DIS3L2: variants seen among roughly 807,000 people sequenced by gnomAD.
DIS3L2 encodes DIS3 like 3'-5' exoribonuclease 2.
Under a neutral mutation model 97.5 loss-of-function variants are expected in DIS3L2, and 34 were observed. That is an observed-to-expected ratio of 0.35 (90% CI 0.27 to 0.46). The LOEUF (loss-of-function observed/expected upper bound fraction) is 0.46, where lower values mean the gene tolerates loss of function less well. DIS3L2 is among the 20% of genes least tolerant of loss of function. The probability of loss-of-function intolerance (pLI) is 1.00; values close to 1 mark genes in which losing one functional copy is unlikely to be tolerated. For synonymous variants in DIS3L2, 435 were observed against 445.2 expected, an observed-to-expected ratio of 0.98 and a Z score of 0.29; for missense variants, 1,038 against 1,146.0, an observed-to-expected ratio of 0.91 and a Z score of 1.36.
intron 1 of DIS3L2, among the ~76,000 whole-genome samples, chr2:232,001,834 C>T (rs1693919815): frequency 6.6e-6 from 1 of 150,782 alleles, no homozygotes; most frequent in South Asian, 2.1e-4. Context: ...ATTCTCCTGC[C>T]TCAGCCTCCT....
chr2:232,004,642 G>A (rs909412667), intron 1 of DIS3L2, among the ~76,000 whole-genome samples: 1 of 150,730 alleles, frequency 6.6e-6, no homozygotes, highest in South Asian at 2.1e-4. Flanking sequence ...GTGCAGTGGC[G>A]TGTTCTTGGC....
chr2:232,274,394 C>G (rs1460633128), intron 13 of DIS3L2, among the ~76,000 whole-genome samples: 1 of 152,202 alleles, frequency 6.6e-6, no homozygotes, highest in Non-Finnish European at 1.5e-5. Flanking sequence ...ATATGTGAGC[C>G]AAACAGCTAC....
chr2:232,091,196 C>T (rs969684891), intron 6 of DIS3L2, among the ~76,000 whole-genome samples: 5 of 152,158 alleles, frequency 3.3e-5, no homozygotes, highest in African/African-American at 4.8e-5. Flanking sequence ...GTATCAAATG[C>T]GTAAATGGCT....
intron 1 of DIS3L2, among the ~76,000 whole-genome samples, chr2:232,013,908 A>G (rs1694280831): frequency 6.6e-6 from 1 of 152,132 alleles, no homozygotes; most frequent in Admixed American, 6.5e-5. Flanking sequence ...GTTAGTATTA[A>G]TTTCAATTTA....
intron 1 of DIS3L2, among the ~76,000 whole-genome samples, chr2:232,000,713 TTTC>T (rs1464894661): frequency 2.8e-5 from 4 of 144,478 alleles, no homozygotes; most frequent in African/African-American, 5.2e-5. Flanking sequence ...TCCTTCTTTC[TTTC>T]TTCTTCTTCT....
intron 1 of DIS3L2, among the ~76,000 whole-genome samples, chr2:232,001,557 C>CTTTTTTTT (rs57766848): frequency 0.011 from 668 of 61,888 alleles, 6 homozygotes; most frequent in African/African-American, 0.013. Flanking sequence ...TGCCATTTGT[C>CTTTTTTTT]TTTTTTTTTT....
chr2:232,057,871 G>A (rs1221498822), intron 5 of DIS3L2, among the ~76,000 whole-genome samples: 1 of 152,074 alleles, frequency 6.6e-6, no homozygotes, highest in Non-Finnish European at 1.5e-5. Flanking sequence ...TGTGGGCATT[G>A]TTTATTTTGT....
chr2:232,044,903 T>TA (rs1695196808), intron 5 of DIS3L2, among the ~76,000 whole-genome samples: 1 of 152,174 alleles, frequency 6.6e-6, no homozygotes, highest in Non-Finnish European at 1.5e-5. Flanking sequence ...ATGCTGGGAT[T>TA]ACAGGTGTGA....
chr2:232,241,298 C>T (rs930291034), intron 11 of DIS3L2, among the ~76,000 whole-genome samples: 2 of 152,242 alleles, frequency 1.3e-5, no homozygotes, highest in African/African-American at 4.8e-5. Context: ...TCACTTGGCA[C>T]AATCATTTCT....
At chr2:232,086,926 C>T (rs1001604280) in intron 5 of DIS3L2, among the ~76,000 whole-genome samples, 17 of 151,826 alleles carry the variant, frequency 1.1e-4, no homozygotes, top group Admixed American at 2.0e-4. Flanking sequence ...ATGATCCGCC[C>T]GCCTCAGCCT....
chr2:232,342,228 TATATAC>T (rs1575033685), intron 13 of DIS3L2, among the ~76,000 whole-genome samples: 1 of 147,364 alleles, frequency 6.8e-6, no homozygotes, highest in African/African-American at 2.5e-5. Flanking sequence ...TACACATACA[TATATAC>T]ACATACACAT....
intron 6 of DIS3L2, among the ~76,000 whole-genome samples, chr2:232,101,637 A>C (rs1374653250): frequency 6.6e-6 from 1 of 152,252 alleles, no homozygotes; most frequent in Non-Finnish European, 1.5e-5. Context: ...AAAGTTATGC[A>C]GTTGGTAAGT....
chr2:232,290,549 C>T (rs1211812517), intron 13 of DIS3L2, among the ~76,000 whole-genome samples: 1 of 152,198 alleles, frequency 6.6e-6, no homozygotes, highest in African/African-American at 2.4e-5. Context: ...GCCCTTTTCT[C>T]CTGGGACTGG....
At position 232,333,859 on chromosome 2, in the gene DIS3L2, C is replaced by T. The variant is rs753558985; in HGVS notation, c.2030C>T (p.Ser677Leu). The change falls in exon 17 of 21, where the codon TCG becomes TTG. Residue 677 changes from serine (S) to leucine (L), a missense_variant. Physicochemically the swap from Ser to Leu is moderately radical, Grantham distance 145. Transcript: ENST00000325385. ...RPMQMALYFCSGLLQDPAQFR... is the reference protein window; with the variant it reads ...RPMQMALYFCLGLLQDPAQFR... ...CCGCAGATGGCACTGTACTTCTGCT[C>T]GGGGCTGCTGCAGGACCCAGCGCAG... 25 of 1,612,000 alleles carry T rather than the reference C, an allele frequency of 1.6e-5. No individual in the cohort carries two copies. Among genetic ancestry groups the T allele is most frequent in the African/African-American group, 8.0e-5 (6 of 74,922 alleles).
At position 232,136,610 on chromosome 2, in the gene DIS3L2, C is replaced by T. The variant is rs2106355470; in HGVS notation, c.841C>T (p.Pro281Ser). 6.2e-7 allele frequency: 1 copy of T among 1,613,906 alleles called. No homozygotes were observed. Residue 281 changes from proline to serine, a missense_variant, in exon 8 of 21, where the codon CCT (proline) becomes TCT (serine). Transcript: ENST00000325385. ...SDHRVPRIYV[P>S]LKDCPQDFVA... The stretch of plus-strand genomic sequence containing the variant: ...CCACCGAGTGCCTAGAATTTATGTG[C>T]CTCTCAAGGACTGTCCCCAGGACTT...
chr2:232,027,877 ATAT>A (rs1694703705), intron 4 of DIS3L2, among the ~76,000 whole-genome samples: 1 of 152,198 alleles, frequency 6.6e-6, no homozygotes, highest in African/African-American at 2.4e-5. Flanking sequence ...AGATAAAATG[ATAT>A]TATTGTCATG....
chr2:231,972,669 G>A (rs866990054), intron 1 of DIS3L2, among the ~76,000 whole-genome samples: 20 of 152,150 alleles, frequency 1.3e-4, no homozygotes, highest in Admixed American at 2.6e-4. Flanking sequence ...TCAGCCTCCC[G>A]AGTAGCTGGA....
intron 6 of DIS3L2, among the ~76,000 whole-genome samples, chr2:232,130,187 G>A (rs954073699): frequency 6.6e-6 from 1 of 151,932 alleles, no homozygotes; most frequent in Non-Finnish European, 1.5e-5. Flanking sequence ...GTTATGGCTG[G>A]TACCAAAGTA....
At chr2:232,182,806 A>G (rs145968519) in intron 9 of DIS3L2, among the ~76,000 whole-genome samples, 6 of 152,282 alleles carry the variant, frequency 3.9e-5, no homozygotes, top group Admixed American at 1.3e-4. Context: ...CACACATACA[A>G]TTAAATACTA....
Sources: gnomAD v4.1 joint callset for allele counts (sites outside exome capture counted in the v4.1 genomes callset) on GRCh38, gnomAD v4.1.1 for gene constraint, MANE v1.5 for transcripts, NCBI Gene and HGNC (gene_info 2026-07-23, HGNC 2026-07-21) for gene names.